The following LMBR1L variants were observed in gnomAD, a reference collection of about 807,000 sequenced individuals.
LMBR1L encodes protein LMBR1L.
In LMBR1L, 47 loss-of-function variants were observed where a neutral mutation model predicts 67.3. The ratio of observed to expected loss-of-function variants is 0.70; its 90% CI spans 0.55 to 0.89. The LOEUF is 0.89. LMBR1L is among the 40% of genes least tolerant of loss of function. LMBR1L has a pLI of 0.00. For synonymous variants in LMBR1L, 247 were observed against 250.3 expected (o/e 0.99, Z 0.13); for missense variants, 533 against 599.2 (o/e 0.89, Z 1.15).
rs559334928 is a variant in LMBR1L at position 49,098,788 on chromosome 12, GA to G, written c.1241-684del. 1.7e-3 allele frequency among the ~76,000 whole-genome samples: 253 copies of G among 152,240 alleles called. 3 individuals carry two copies. Among genetic ancestry groups the G allele is most frequent in the African/African-American group, 5.7e-3 (236 of 41,534 alleles). On this transcript the variant is annotated intron_variant, in intron 15 of 16. Transcript: ENST00000267102. ...TAGAGTGGAAATAATATAACGTTAA[GA>G]ATGAAATAGAGCTGTTTTTTGTTTT... is the stretch of plus-strand genomic sequence containing the variant.
At chr12:49,108,711 G>A (rs1164993487) in intron 1 of LMBR1L, among the ~76,000 whole-genome samples, 2 of 152,156 alleles carry the variant, frequency 1.3e-5, no homozygotes, top group African/African-American at 4.8e-5. Context: ...TCCAGCCTGG[G>A]CGACAGAGTG....
chr12:49,100,039 T>TATA (rs1347709619), intron 15 of LMBR1L, among the ~76,000 whole-genome samples: 2 of 152,228 alleles, frequency 1.3e-5, no homozygotes, highest in East Asian at 3.8e-4. Context: ...AAGCCAGCTG[T>TATA]ATAATCTGGG....
chr12:49,099,369 G>C (rs1939822947), intron 15 of LMBR1L, among the ~76,000 whole-genome samples: 2 of 151,032 alleles, frequency 1.3e-5, no homozygotes, highest in African/African-American at 4.9e-5. Flanking sequence ...GGCCGGTCTT[G>C]ACCTCCTGGC....
intron 5 of LMBR1L, 103 bp downstream of exon 5, chr12:49,104,345 C>G: frequency 1.1e-6 from 1 of 873,422 alleles, no homozygotes; most frequent in Non-Finnish European, 1.8e-6. Context: ...CCTCAAACTT[C>G]CGTTAACTAA....
At position 49,110,471 on chromosome 12, in the gene LMBR1L, G is replaced by A. The variant is rs372904034; in HGVS notation, c.72+13C>T. 6.4e-5 allele frequency: 103 copies of A among 1,613,126 alleles called. No individual in the cohort carries two copies. Among genetic ancestry groups the A allele is most frequent in the Non-Finnish European group, 8.3e-5 (98 of 1,179,408 alleles). ...GCAACCCCCGCTTCTCCTCGCCGGG[G>A]CCCCGCACTCACAATACACTCGCGG... On this transcript the variant is annotated intron_variant, in intron 1 of 16. Coordinates refer to ENST00000267102, the MANE Select transcript of LMBR1L (RefSeq NM_018113.4).
chr12:49,106,570 C>G, intron 2 of LMBR1L: 9 of 1,315,776 alleles, frequency 6.8e-6, no homozygotes, highest in Non-Finnish European at 9.0e-6. Context: ...TCAGGGAGGT[C>G]TCTGGTCCTG....
In LMBR1L at chr12:49,097,968, G is replaced by C; in HGVS notation, c.1378C>G (p.Arg460Gly). Residue 460 changes from arginine to glycine, a missense_variant, in exon 16 of 17, where the codon CGG becomes GGG. By Grantham distance (125) the Arg-to-Gly change is moderately radical (BLOSUM62 -2). Transcript: ENST00000267102. Reference protein sequence around the residue: ...CLVKTFTAAVRAELIRAFGLD... With the variant: ...CLVKTFTAAVGAELIRAFGLD... ...CCAAAGGCCCGGATCAGCTCTGCCC[G>C]CACAGCTGCAGTGAAGGTCTTCACC... 2 of 1,613,534 alleles carry C rather than the reference G, an allele frequency of 1.2e-6. No individual in the cohort carries two copies. The highest frequency in any genetic ancestry group is 1.7e-6 in the Non-Finnish European group (2 of 1,179,516).
chr12:49,109,885 G>A (rs1314641995), intron 1 of LMBR1L: 2 of 404,154 alleles, frequency 4.9e-6, no homozygotes, highest in African/African-American at 2.1e-5. Flanking sequence ...ACCCAGCCTT[G>A]CAGGGTTTCA....
At chr12:49,101,033 T>C (rs1004901709) in intron 13 of LMBR1L, 2 of 1,107,538 alleles carry the variant, frequency 1.8e-6, no homozygotes, top group African/African-American at 3.2e-5. Flanking sequence ...CTGGCCTCTT[T>C]TTATTTTCTT....
At position 49,097,757 on chromosome 12, in the gene LMBR1L, G is replaced by C. The variant is rs1259983328; in HGVS notation, c.1403-18C>G. 5 of 1,613,884 alleles carry C rather than the reference G, an allele frequency of 3.1e-6. No homozygotes were observed. In the African/African-American group the frequency reaches 6.7e-5, roughly 22 times the overall value. Reference sequence around the variant, plus strand: ...GTCCAGCCCTGGAGAAGAGGAGATGGGCAGTCAAAAGCAAGTCAAAGGTCC... The same window carrying C: ...GTCCAGCCCTGGAGAAGAGGAGATGCGCAGTCAAAAGCAAGTCAAAGGTCC... On this transcript the variant is annotated intron_variant, in intron 16 of 16. Coordinates refer to ENST00000267102, the MANE Select transcript of LMBR1L (RefSeq NM_018113.4).
In LMBR1L at chr12:49,104,824, A is replaced by G. The variant is rs1940693686; in HGVS notation, c.253T>C (p.Ser85Pro). The stretch of plus-strand genomic sequence containing the variant: ...AGCAGCACCTCATTGCTGATGATGG[A>G]GAAGGGCAGGAGCAGGACAGCACCC... Reference protein sequence around the residue: ...ALGAVLLLPFSIISNEVLLSL... With the variant: ...ALGAVLLLPFPIISNEVLLSL... Residue 85 changes from serine (S) to proline (P), a missense_variant, in exon 4 of 17, where the codon TCC becomes CCC. Ser to Pro is a moderately conservative substitution (Grantham distance 74, BLOSUM62 -1). Transcript: ENST00000267102. 3 of 1,613,744 alleles carry G rather than the reference A, an allele frequency of 1.9e-6. No individual in the cohort carries two copies. The highest frequency in any genetic ancestry group is 2.5e-6 in the Non-Finnish European group (3 of 1,179,944).
intron 13 of LMBR1L, 79 bp downstream of exon 13, chr12:49,101,171 A>G: frequency 6.2e-7 from 1 of 1,612,896 alleles, no homozygotes; most frequent in South Asian, 1.1e-5. Context: ...AAGGAGACAA[A>G]GTCCAAGAAG....
In LMBR1L at chr12:49,097,306, C is replaced by T; in HGVS notation, c.*366G>A. On this transcript the variant is annotated 3_prime_UTR_variant, in exon 17 of 17. Coordinates refer to ENST00000267102, the MANE Select transcript of LMBR1L (RefSeq NM_018113.4). ...GGAGACAATCTATCTCCCGAGCCTG[C>T]CCTGGCCCAGTCCTTTCCCTGCCCC... 8.2e-6 allele frequency: 2 copies of T among 244,682 alleles called. No homozygotes were observed. The highest frequency in any genetic ancestry group is 4.6e-5 in the Admixed American group (1 of 21,896). The allele number at this position is 244,682 out of a possible 1,614,324, so 15.2% of individuals were successfully genotyped here.
chr12:49,102,367 G>A lies in LMBR1L; in HGVS notation c.779C>T (p.Ser260Phe), dbSNP rs140140427. 21 of 1,614,130 alleles carry A rather than the reference G, an allele frequency of 1.3e-5. No homozygotes were observed. Among genetic ancestry groups the A allele is most frequent in the Admixed American group, 3.3e-5 (2 of 60,014 alleles). Residue 260 changes from serine to phenylalanine, a missense_variant, in exon 10 of 17, where the codon TCC becomes TTC. Ser to Phe is a radical substitution (Grantham distance 155, BLOSUM62 -2). Coordinates refer to ENST00000267102, the MANE Select transcript of LMBR1L (RefSeq NM_018113.4). ...ALTRRICNPTSCWLPLDMELL... is the reference protein window; with the variant it reads ...ALTRRICNPTFCWLPLDMELL... ...CTCCATGTCTAAAGGCAGCCAGCAGGAAGTAGGATCTGAGGGCAGAGAAGA... is the reference window on the plus strand; with the variant it reads ...CTCCATGTCTAAAGGCAGCCAGCAGAAAGTAGGATCTGAGGGCAGAGAAGA...
In LMBR1L at chr12:49,100,592, G is replaced by C; in HGVS notation, c.1137C>G (p.Ser379Arg). ...CAGTGTCGTGCCATCTGGGCCGCAG[G>C]CTCCGGAAGAGTGGAGAGCTATAGA... ...VGFYSSPLFR[S>R]LRPRWHDTAM... The change falls in exon 14 of 17, where the codon AGC (serine) becomes AGG (arginine). Residue 379 changes from serine to arginine, a missense_variant. By Grantham distance (110) the Ser-to-Arg change is moderately radical. Coordinates refer to ENST00000267102, the MANE Select transcript of LMBR1L (RefSeq NM_018113.4). 6.2e-7 allele frequency: 1 copy of C among 1,614,172 alleles called. No individual in the cohort carries two copies. Among genetic ancestry groups the C allele is most frequent in the Non-Finnish European group, 8.5e-7 (1 of 1,180,020 alleles).
At chr12:49,107,151 C>T (rs1941011124) in intron 1 of LMBR1L, 106 bp from the exon 2 acceptor site, 2 of 735,484 alleles carry the variant, frequency 2.7e-6, no homozygotes, top group Admixed American at 2.3e-5. Context: ...CAAGATAAGG[C>T]TCCATACTTC....
At chr12:49,102,758 CA>C in intron 8 of LMBR1L, 128 bp downstream of exon 8, 1 of 932,466 alleles carries the variant, frequency 1.1e-6, no homozygotes, top group Non-Finnish European at 1.7e-6. Flanking sequence ...GTACAGAATA[CA>C]GGAACCAACA....
At chr12:49,103,621 A>T in intron 6 of LMBR1L, 66 bp downstream of exon 6, 1 of 1,544,032 alleles carries the variant, frequency 6.5e-7, no homozygotes, top group East Asian at 2.3e-5. Flanking sequence ...GGTTACAGTC[A>T]TTCCAGGCAG....
intron 1 of LMBR1L, among the ~76,000 whole-genome samples, chr12:49,109,453 G>C (rs189817695): frequency 1.1e-3 from 165 of 152,240 alleles, no homozygotes; most frequent in African/African-American, 3.9e-3. Flanking sequence ...ACCTAATTAT[G>C]TCCTGGCTCA....
Sources: allele counts gnomAD v4.1 joint callset (sites outside exome capture counted in the v4.1 genomes callset), GRCh38; gene constraint gnomAD v4.1.1; transcripts MANE v1.5; gene names NCBI Gene and HGNC (gene_info 2026-07-23, HGNC 2026-07-21).